Variants in MAP3K9 observed in about 807,000 individuals in gnomAD.
MAP3K9 encodes the protein mitogen-activated protein kinase kinase kinase 9, also known as mixed lineage kinase 1 (tyr and ser/thr specificity).
In MAP3K9, 46 loss-of-function variants were observed where a neutral mutation model predicts 95.8. The ratio of observed to expected loss-of-function variants is 0.48; its 90% CI spans 0.38 to 0.61. The LOEUF (loss-of-function observed/expected upper bound fraction) is 0.61. Among genes scored for constraint, MAP3K9 ranks in the 20% least tolerant of loss-of-function variants. The pLI, the probability that MAP3K9 is intolerant of heterozygous loss-of-function variation, is 0.00. For missense variants in MAP3K9, 1,296 were observed against 1,474.3 expected (o/e 0.88, Z 1.98); for synonymous variants, 533 against 593.8 (o/e 0.90, Z 1.49).
chr14:70,788,154 T>C (rs188981009), intron 2 of MAP3K9, among the ~76,000 whole-genome samples: 56 of 152,374 alleles, frequency 3.7e-4, no homozygotes, highest in African/African-American at 1.3e-3. Flanking sequence ...TATTTCAATT[T>C]TGTCCTATTT....
At chr14:70,785,631 C>T (rs1224996870) in intron 2 of MAP3K9, among the ~76,000 whole-genome samples, 2 of 152,118 alleles carry the variant, frequency 1.3e-5, no homozygotes, top group African/African-American at 4.8e-5. Flanking sequence ...TACTCCCAAC[C>T]TTCTGATGTG....
At chr14:70,737,928 G>C (rs1227533005) in intron 8 of MAP3K9, among the ~76,000 whole-genome samples, 1 of 152,096 alleles carries the variant, frequency 6.6e-6, no homozygotes, top group South Asian at 2.1e-4. Context: ...AGCCACACTC[G>C]CTCATTTACA....
intron 3 of MAP3K9, among the ~76,000 whole-genome samples, chr14:70,750,646 G>A (rs1277293847): frequency 3.9e-5 from 6 of 152,072 alleles, no homozygotes; most frequent in Admixed American, 6.6e-5. Flanking sequence ...CACCACGCCC[G>A]GCTAATTTTT....
At chr14:70,780,886 T>C (rs1414753028) in intron 2 of MAP3K9, among the ~76,000 whole-genome samples, 2 of 152,220 alleles carry the variant, frequency 1.3e-5, no homozygotes, top group Non-Finnish European at 2.9e-5. Flanking sequence ...GATGGTTTTG[T>C]CAACAGAAAG....
At position 70,748,697 on chromosome 14, in the gene MAP3K9, A is replaced by G. The variant is rs1367987971; in HGVS notation, c.1326+132T>C. 26 of 651,784 alleles carry G rather than the reference A, an allele frequency of 4.0e-5. No homozygotes were observed. The East Asian group carries it at 6.8e-4, about 17-fold the overall frequency. The allele number at this position is 651,784 out of a possible 1,614,324, so 40.4% of individuals were successfully genotyped here. ...GACAATTAAGTAGATACCAAGCTGG[A>G]AGGTGGGCATGCTAGAATCAAGATG... On this transcript the variant is annotated intron_variant, in intron 5 of 11. Coordinates refer to ENST00000554752, the MANE Select transcript of MAP3K9 (RefSeq NM_001284230.2).
intron 1 of MAP3K9, among the ~76,000 whole-genome samples, chr14:70,807,960 G>T (rs7155910): frequency 0.92 from 140,672 of 152,270 alleles, 65,040 homozygotes; most frequent in African/African-American, 0.95. Flanking sequence ...CAGTTCCAAA[G>T]ATAGGCAAGG....
intron 2 of MAP3K9, chr14:70,783,225 G>A (rs1324012887): frequency 1.0e-6 from 1 of 980,426 alleles, no homozygotes; most frequent in Non-Finnish European, 1.2e-6. Context: ...AGACTCACAT[G>A]TTAGAAGCCC....
intron 2 of MAP3K9, among the ~76,000 whole-genome samples, chr14:70,791,794 T>G (rs2054810131): frequency 6.6e-6 from 1 of 152,242 alleles, no homozygotes; most frequent in Non-Finnish European, 1.5e-5. Context: ...TTGTGCCACT[T>G]TATTTTGATC....
rs747686432 is a variant in MAP3K9 at position 70,748,809 on chromosome 14, G to A, written c.1326+20C>T. 2.5e-6 allele frequency: 4 copies of A among 1,573,570 alleles called. No homozygotes were observed. The highest frequency in any genetic ancestry group is 3.4e-6 in the Non-Finnish European group (4 of 1,162,354). On this transcript the variant is annotated intron_variant, in intron 5 of 11. Coordinates refer to ENST00000554752, the MANE Select transcript of MAP3K9 (RefSeq NM_001284230.2). ...TTTTCTTTTCGTTCGTTTTTTTGTT[G>A]TTTTTTTTGTTTTGTTTACCTTTTC...
At chr14:70,777,437 G>A (rs746520086) in intron 2 of MAP3K9, among the ~76,000 whole-genome samples, 3 of 152,170 alleles carry the variant, frequency 2.0e-5, no homozygotes, top group Non-Finnish European at 2.9e-5. Flanking sequence ...ACCATAGTCA[G>A]CCAAGGGAGA....
rs1318479351 is a variant in MAP3K9 at position 70,742,456 on chromosome 14, T to C, written c.1462A>G (p.Ile488Val). The change falls in exon 6 of 12, where the codon ATC (isoleucine) becomes GTC (valine). Residue 488 changes from isoleucine (I) to valine (V), a missense_variant. Around this residue, in one of 5 missense-constraint regions of MAP3K9, gnomAD observed 377 missense variants for 417.1 expected, o/e 0.90. Coordinates refer to ENST00000554752, the MANE Select transcript of MAP3K9 (RefSeq NM_001284230.2). ...DILERELNIIIHQLCQEKPRV... is the reference protein window; with the variant it reads ...DILERELNIIVHQLCQEKPRV... ...GGCTTCTCCTGGCACAGCTGGTGGA[T>C]GATGATGTTGAGCTCCCGTTCCAGG... 4 of 1,614,214 alleles carry C rather than the reference T, an allele frequency of 2.5e-6. No individual in the cohort carries two copies. Among genetic ancestry groups the C allele is most frequent in the East Asian group, 4.5e-5 (2 of 44,882 alleles).
At position 70,809,155 on chromosome 14, in the gene MAP3K9, G is replaced by T; in HGVS notation, c.17C>A (p.Ala6Glu). The change falls in exon 1 of 12, where the codon GCG becomes GAG. Residue 6 changes from alanine to glutamate, a missense_variant. By Grantham distance (107) the Ala-to-Glu change is moderately radical. Transcript: ENST00000554752. The stretch of plus-strand genomic sequence containing the variant: ...GGCGCTCGCTAGGCAGCCGAGAAGC[G>T]CTCTGGAGGGCTCCATGGAGCGGCC... Reference protein sequence around the residue: MEPSRALLGCLASAAA... With the variant: MEPSRELLGCLASAAA... 1.5e-6 allele frequency: 2 copies of T among 1,361,122 alleles called. No individual in the cohort carries two copies. The highest frequency in any genetic ancestry group is 1.9e-6 in the Non-Finnish European group (2 of 1,064,922). The allele number at this position is 1,361,122 out of a possible 1,614,324, so 84.3% of individuals were successfully genotyped here.
intron 2 of MAP3K9, among the ~76,000 whole-genome samples, chr14:70,792,756 CA>C (rs1222819638): frequency 6.6e-6 from 1 of 152,210 alleles, no homozygotes; most frequent in Non-Finnish European, 1.5e-5. Context: ...CCAGCAAACT[CA>C]CCAGCCATGA....
chr14:70,800,986 C>T lies in MAP3K9; in HGVS notation c.501G>A (p.Glu167=), dbSNP rs754596391. The change falls in exon 2 of 12, where the codon GAG becomes GAA. Residue 167 remains glutamate, a synonymous_variant. Coordinates refer to ENST00000554752, the MANE Select transcript of MAP3K9 (RefSeq NM_001284230.2). ...KVYRAFWIGD[E]VAVKAARHDP... Reference sequence around the variant, plus strand: ...CGTGGCGAGCTGCTTTCACAGCAACCTCATCCCCTATCCAGAAAGCACGAT... The same window carrying T: ...CGTGGCGAGCTGCTTTCACAGCAACTTCATCCCCTATCCAGAAAGCACGAT... 1 of 1,614,186 alleles carries T rather than the reference C, an allele frequency of 6.2e-7. No individual in the cohort carries two copies. Among genetic ancestry groups the T allele is most frequent in the Non-Finnish European group, 8.5e-7 (1 of 1,180,040 alleles).
At chr14:70,738,101 A>G (rs2054010373) in intron 8 of MAP3K9, 144 bp downstream of exon 8, 3 of 946,564 alleles carry the variant, frequency 3.2e-6, no homozygotes, top group Non-Finnish European at 1.5e-6. Context: ...GGAGGGTGAA[A>G]AACTGTTGTA....
chr14:70,739,844 G>A, intron 7 of MAP3K9, 198 bp downstream of exon 7: 1 of 1,494,516 alleles, frequency 6.7e-7, no homozygotes, highest in South Asian at 1.3e-5. Flanking sequence ...GGTAGAGGGG[G>A]CAGTAGTAAA....
At chr14:70,760,873 T>C (rs1287214831) in intron 3 of MAP3K9, 129 bp downstream of exon 3, 4 of 901,876 alleles carry the variant, frequency 4.4e-6, no homozygotes, top group Middle Eastern at 3.5e-4. Context: ...TAGATGACTC[T>C]TGGGGGAGGT....
Position 70,730,458 on chromosome 14 carries a change from G to A in MAP3K9, c.3237C>T (p.Ser1079=), listed in dbSNP as rs774329582. ...GTTCCGCTCTGCACAGCGGCACGGT[G>A]CTGTCCTGACTCTGCCCCTCTGCAT... ...DLDAEGQSQD[S]TVPLCRAELN... The change falls in exon 12 of 12, where the codon AGC becomes AGT. Residue 1079 remains serine, a synonymous_variant. Transcript: ENST00000554752. The A allele has an allele frequency of 4.3e-6, 7 of 1,614,168 alleles. No homozygotes were observed. In the East Asian group the frequency reaches 8.9e-5, roughly 21 times the overall value.
At chr14:70,778,210 A>G (rs1566757392) in intron 2 of MAP3K9, among the ~76,000 whole-genome samples, 1 of 151,364 alleles carries the variant, frequency 6.6e-6, no homozygotes, top group Non-Finnish European at 1.5e-5. Flanking sequence ...CCTTGGGCTC[A>G]AGCAATCCTC....
Sources: gnomAD v4.1 joint callset for allele counts (sites outside exome capture counted in the v4.1 genomes callset) on GRCh38, gnomAD v4.1.1 for gene constraint, gnomAD v4.1.1 regional missense constraint, MANE v1.5 for transcripts, NCBI Gene and HGNC (gene_info 2026-07-23, HGNC 2026-07-21) for gene names.